The following TRAF3IP3 variants were observed in gnomAD, a reference collection of about 807,000 sequenced individuals.
TRAF3IP3 encodes TRAF3 interacting protein 3.
A neutral mutation model predicts 86.5 loss-of-function variants in TRAF3IP3; 64 were observed. The ratio of observed to expected loss-of-function variants is 0.74; its 90% CI spans 0.60 to 0.91. The LOEUF (loss-of-function observed/expected upper bound fraction) is 0.91, where lower values mean the gene tolerates loss of function less well. TRAF3IP3 is among the 40% of genes least tolerant of loss of function. TRAF3IP3 has a pLI of 0.00. For synonymous variants in TRAF3IP3, 220 were observed against 243.9 expected (o/e 0.90, Z 0.91); for missense variants, 579 against 642.9 (o/e 0.90, Z 1.07).
intron 8 of TRAF3IP3, among the ~76,000 whole-genome samples, chr1:209,771,055 C>T (rs1308050743): frequency 2.6e-5 from 2 of 77,530 alleles, no homozygotes; most frequent in Non-Finnish European, 4.4e-5. Flanking sequence ...TGTGCGTGTG[C>T]ATGTGGAGGT....
chr1:209,765,708 A>G (rs557303260), intron 8 of TRAF3IP3, among the ~76,000 whole-genome samples: 1 of 152,322 alleles, frequency 6.6e-6, no homozygotes, highest in East Asian at 1.9e-4. Context: ...CAAAAACAAA[A>G]TTAGTGACAG....
chr1:209,768,572 T>C (rs1326736175), intron 8 of TRAF3IP3: 1 of 985,590 alleles, frequency 1.0e-6, no homozygotes, highest in Non-Finnish European at 1.2e-6. Context: ...GGTGCTTCTG[T>C]GGTGAGGTGG....
intron 5 of TRAF3IP3, 91 bp from the exon 6 acceptor site, chr1:209,762,977 C>T (rs2077273588): frequency 6.3e-7 from 1 of 1,589,138 alleles, no homozygotes; most frequent in Non-Finnish European, 8.6e-7. Context: ...CCCTTCCCCA[C>T]CCTACTGGCT....
At chr1:209,762,922 G>A (rs1430085724) in intron 5 of TRAF3IP3, 52 bp downstream of exon 5, 1 of 1,610,918 alleles carries the variant, frequency 6.2e-7, no homozygotes. Flanking sequence ...TCTCTAGAGA[G>A]AACACAATGA....
In TRAF3IP3 at chr1:209,769,677, C is replaced by G. The variant is rs146467141; in HGVS notation, c.703-3271C>G. Among the ~76,000 whole-genome samples the G allele has an allele frequency of 4.9e-4, 74 of 152,268 alleles. 2 individuals are homozygous for G. In the East Asian group the frequency reaches 0.012, roughly 25 times the overall value. On this transcript the variant is annotated intron_variant, in intron 8 of 16. Coordinates refer to ENST00000367025, the MANE Select transcript of TRAF3IP3 (RefSeq NM_025228.4). ...GCACCCTGAAACTCACTGAGGGAGG[C>G]GGACCTCAAAGCCGAGCCCCCTCCT...
In TRAF3IP3 at chr1:209,766,357, A is replaced by G. The variant is rs187653925; in HGVS notation, c.702+2770A>G. The stretch of plus-strand genomic sequence containing the variant: ...TTTGACAGTCATTTGATAAGTTCCA[A>G]CTCTGTGCTGGGCCTTGTGCTACAG... On this transcript the variant is annotated intron_variant, in intron 8 of 16. Coordinates refer to ENST00000367025, the MANE Select transcript of TRAF3IP3 (RefSeq NM_025228.4). 5.3e-3 allele frequency among the ~76,000 whole-genome samples: 806 copies of G among 152,186 alleles called. 9 individuals carry two copies. The highest frequency in any genetic ancestry group is 7.9e-3 in the Non-Finnish European group (535 of 68,014).
intron 7 of TRAF3IP3, 29 bp from the exon 8 acceptor site, chr1:209,763,463 C>T: frequency 6.2e-7 from 1 of 1,613,202 alleles, no homozygotes; most frequent in African/African-American, 1.3e-5. Context: ...TTAATCTTAC[C>T]CTCTTGCACT....
At chr1:209,777,764 G>C (rs2077689411) in intron 12 of TRAF3IP3, 1 of 499,674 alleles carries the variant, frequency 2.0e-6, no homozygotes, top group African/African-American at 1.9e-5. Flanking sequence ...TCCCACATCA[G>C]TCACATATGT....
At chr1:209,765,069 G>A (rs1253887574) in intron 8 of TRAF3IP3, among the ~76,000 whole-genome samples, 2 of 151,822 alleles carry the variant, frequency 1.3e-5, no homozygotes, top group Non-Finnish European at 2.9e-5. Flanking sequence ...CAGCTACTCC[G>A]GAGGCTGGGC....
At chr1:209,767,200 A>G (rs919849713) in intron 8 of TRAF3IP3, among the ~76,000 whole-genome samples, 5 of 152,232 alleles carry the variant, frequency 3.3e-5, no homozygotes, top group African/African-American at 1.2e-4. Context: ...ATATGTATAT[A>G]TATAAAATCA....
intron 8 of TRAF3IP3, among the ~76,000 whole-genome samples, chr1:209,771,108 A>ATGTG (rs2077497715): frequency 9.9e-6 from 1 of 100,746 alleles, no homozygotes; most frequent in Non-Finnish European, 2.0e-5. Flanking sequence ...GGAAGTGTGC[A>ATGTG]TGCATGTGGA....
intron 9 of TRAF3IP3, among the ~76,000 whole-genome samples, chr1:209,773,391 A>G (rs1158328263): frequency 1.3e-5 from 2 of 152,250 alleles, no homozygotes; most frequent in African/African-American, 2.4e-5. Flanking sequence ...GATGAGTTAG[A>G]TGTTATAATG....
At chr1:209,773,334 G>T (rs2077585731) in intron 9 of TRAF3IP3, among the ~76,000 whole-genome samples, 1 of 152,204 alleles carries the variant, frequency 6.6e-6, no homozygotes, top group African/African-American at 2.4e-5. Flanking sequence ...CCTTGGTAAA[G>T]ACTCACATCA....
intron 3 of TRAF3IP3, 139 bp from the exon 4 acceptor site, chr1:209,762,376 C>A: frequency 1.2e-6 from 1 of 804,938 alleles, no homozygotes; most frequent in Non-Finnish European, 1.7e-6. Context: ...AGGATTTCAA[C>A]ACACAGATTT....
chr1:209,759,182 G>C (rs1403261845), intron 2 of TRAF3IP3, 48 bp downstream of exon 2: 1 of 152,254 alleles, frequency 6.6e-6, no homozygotes, highest in Non-Finnish European at 1.5e-5. Context: ...CAGTATTGGA[G>C]CCAGATGCTC....
intron 13 of TRAF3IP3, 59 bp downstream of exon 13, chr1:209,778,232 A>C: frequency 4.8e-6 from 7 of 1,464,578 alleles, no homozygotes; most frequent in Non-Finnish European, 5.7e-6. Flanking sequence ...CCTGGCCCAC[A>C]AAAGGCACCC....
chr1:209,770,724 TGC>T (rs1418892066), intron 8 of TRAF3IP3, among the ~76,000 whole-genome samples: 1 of 144,514 alleles, frequency 6.9e-6, no homozygotes, highest in Non-Finnish European at 1.5e-5. Context: ...GGTGGAGGTG[TGC>T]GTGTGCAGGT....
chr1:209,756,920 C>G (rs2077163589), intron 1 of TRAF3IP3, among the ~76,000 whole-genome samples: 1 of 152,190 alleles, frequency 6.6e-6, no homozygotes, highest in South Asian at 2.1e-4. Context: ...CCCAGTCATG[C>G]TGCCAGGGGG....
rs111205770 is a variant in TRAF3IP3, at chr1:209,771,524, T to G, written c.703-1424T>G. Among the ~76,000 whole-genome samples the G allele has an allele frequency of 8.6e-4, 126 of 147,106 alleles. 1 individual carries two copies. The highest frequency in any genetic ancestry group is 2.9e-3 in the African/African-American group (115 of 39,316). ...GAAGGTGTGTGTGAAGGTGTGTGTG[T>G]GCAGGTGGAGGTACGTGTATGCAGG... On this transcript the variant is annotated intron_variant, in intron 8 of 16. Coordinates refer to ENST00000367025, the MANE Select transcript of TRAF3IP3 (RefSeq NM_025228.4).
Sources: allele counts gnomAD v4.1 joint callset (sites outside exome capture counted in the v4.1 genomes callset), GRCh38; gene constraint gnomAD v4.1.1; transcripts MANE v1.5; gene names NCBI Gene and HGNC (gene_info 2026-07-23, HGNC 2026-07-21).